CASZ1: variants seen among roughly 807,000 people sequenced by gnomAD.
CASZ1 encodes the protein zinc finger protein castor homolog 1.
A neutral mutation model predicts 135.2 loss-of-function variants in CASZ1; 28 were observed. That is an observed-to-expected ratio of 0.21 (90% CI 0.15 to 0.28). The LOEUF (loss-of-function observed/expected upper bound fraction) is 0.28, where lower values mean the gene tolerates loss of function less well. CASZ1 is among the 10% of genes least tolerant of loss of function. The pLI, the probability that CASZ1 is intolerant of heterozygous loss-of-function variation, is 1.00. For synonymous variants in CASZ1, 1,068 were observed against 1,073.4 expected, an observed-to-expected ratio of 0.99 and a Z score of 0.10; for missense variants, 2,161 against 2,453.3, an observed-to-expected ratio of 0.88 and a Z score of 2.52.
In CASZ1 at chr1:10,639,818, G is replaced by A. The variant is rs1463630744; in HGVS notation, c.4404C>T (p.Phe1468=). 3 of 1,610,300 alleles carry A rather than the reference G, an allele frequency of 1.9e-6. No individual in the cohort carries two copies. Among genetic ancestry groups the A allele is most frequent in the East Asian group, 2.2e-5 (1 of 44,758 alleles). The part of the protein sequence containing the change: ...HCTRENCGYK[F]CGRTHMYKHA... Reference sequence around the variant, plus strand: ...GCTTGTACATGTGCGTGCGCCCGCAGAACTTGTAGCCGCAGTTCTCGCGCG... The same window carrying A: ...GCTTGTACATGTGCGTGCGCCCGCAAAACTTGTAGCCGCAGTTCTCGCGCG... The change falls in exon 21 of 21, where the codon TTC becomes TTT. Residue 1468 remains phenylalanine (F), a synonymous_variant. Transcript: ENST00000377022. The surrounding 1 kb of genome is among the most constrained non-coding windows in gnomAD (Gnocchi z 4.0).
intron 20 of CASZ1, 23 bp from the exon 21 acceptor site, chr1:10,640,082 G>C (rs1473003646): frequency 2.5e-6 from 4 of 1,586,370 alleles, no homozygotes; most frequent in Non-Finnish European, 3.4e-6. Context: ...AGGGAGGTCA[G>C]TGCAGAAGAG....
Position 10,728,515 on chromosome 1 carries a change from T to G in CASZ1, c.-76-22971A>C, listed in dbSNP as rs116921277. 4.9e-4 allele frequency among the ~76,000 whole-genome samples: 75 copies of G among 152,272 alleles called. No homozygotes were observed. In the South Asian group the frequency reaches 8.3e-3, roughly 17 times the overall value. On this transcript the variant is annotated intron_variant, in intron 2 of 20. Coordinates refer to ENST00000377022, the MANE Select transcript of CASZ1 (RefSeq NM_001079843.3). ...ATCGAGGGCGCAAACCCCAGAAACT[T>G]TCTGAATTGTTTCTCTCCCCAGCTG... is the stretch of plus-strand genomic sequence containing the variant.
intron 2 of CASZ1, among the ~76,000 whole-genome samples, chr1:10,754,591 G>A (rs945376102): frequency 2.4e-4 from 37 of 152,210 alleles, no homozygotes; most frequent in African/African-American, 8.7e-4. Flanking sequence ...TCACACCCTC[G>A]TCCTAAGCAT....
chr1:10,769,762 C>T (rs1237250398), intron 1 of CASZ1, among the ~76,000 whole-genome samples: 1 of 152,166 alleles, frequency 6.6e-6, no homozygotes, highest in African/African-American at 2.4e-5. Context: ...AGTGATCTGC[C>T]CACCTTGGCC....
rs1363424514 is a variant in CASZ1, at chr1:10,645,022, T to C, written c.3763A>G (p.Ile1255Val). The stretch of plus-strand genomic sequence containing the variant: ...ATGTGCCAGGGGAGCTTGGTGGTGA[T>C]GTTGGTCACAAAATAGCAGCCGGTG... The part of the protein sequence containing the change: ...LRTGCYFVTN[I>V]TTKLPWHIKK... The change falls in exon 18 of 21, where the codon ATC becomes GTC. Residue 1255 changes from isoleucine (I) to valine (V), a missense_variant. By Grantham distance (29) the Ile-to-Val change is conservative. Transcript: ENST00000377022. 6 of 1,613,952 alleles carry C rather than the reference T, an allele frequency of 3.7e-6. No individual in the cohort carries two copies. In the African/African-American group the frequency reaches 5.3e-5, roughly 14 times the overall value.
Position 10,763,341 on chromosome 1 carries a change from C to T in CASZ1, c.-233-2484G>A, listed in dbSNP as rs559470661. 5.3e-5 allele frequency among the ~76,000 whole-genome samples: 8 copies of T among 152,282 alleles called. No individual in the cohort carries two copies. In the East Asian group the frequency reaches 5.8e-4, roughly 11 times the overall value. ...TGGGTCCGAGTCCCACTTCTGTCCC[C>T]GAAACCTCCATGGGCCCTTAGACAA... is the stretch of plus-strand genomic sequence containing the variant. On this transcript the variant is annotated intron_variant, in intron 1 of 20. Transcript: ENST00000377022.
chr1:10,720,763 C>G lies in CASZ1; in HGVS notation c.-76-15219G>C, dbSNP rs1355557532. Among the ~76,000 whole-genome samples the G allele has an allele frequency of 6.6e-6, 1 of 152,108 alleles. No homozygotes were observed. The highest frequency in any genetic ancestry group is 1.5e-5 in the Non-Finnish European group (1 of 68,024). On this transcript the variant is annotated intron_variant, in intron 2 of 20. Transcript: ENST00000377022. The surrounding 1 kb of genome is among the most constrained non-coding windows in gnomAD (Gnocchi z 5.7). Reference sequence around the variant, plus strand: ...AGAAGGGCGTAGGGAAGCCCAAGGTCAGAGAGTGGGGAGGAAGTGGACGCC... The same window carrying G: ...AGAAGGGCGTAGGGAAGCCCAAGGTGAGAGAGTGGGGAGGAAGTGGACGCC...
rs1468621103 is a variant in CASZ1, at chr1:10,709,220, C to T, written c.-76-3676G>A. 6.6e-6 allele frequency among the ~76,000 whole-genome samples: 1 copy of T among 152,146 alleles called. No individual in the cohort carries two copies. Among genetic ancestry groups the T allele is most frequent in the Non-Finnish European group, 1.5e-5 (1 of 68,016 alleles). ...TCGGCCAGCACTCCTACCTGCTCCCCAGGCCTCCCGGGGCCATGGGGGCTC... is the reference window on the plus strand; with the variant it reads ...TCGGCCAGCACTCCTACCTGCTCCCTAGGCCTCCCGGGGCCATGGGGGCTC... On this transcript the variant is annotated intron_variant, in intron 2 of 20. Coordinates refer to ENST00000377022, the MANE Select transcript of CASZ1 (RefSeq NM_001079843.3). This position sits in a 1 kb window ranked among gnomAD's most constrained non-coding sequence, Gnocchi z 5.1.
At chr1:10,671,565 G>C (rs1446827843) in intron 4 of CASZ1, among the ~76,000 whole-genome samples, 1 of 152,168 alleles carries the variant, frequency 6.6e-6, no homozygotes, top group African/African-American at 2.4e-5. Context: ...GGAGGGCAGT[G>C]GAAGGGGTCT....
intron 4 of CASZ1, among the ~76,000 whole-genome samples, chr1:10,668,074 A>C (rs989397546): frequency 6.6e-6 from 1 of 152,056 alleles, no homozygotes; most frequent in African/African-American, 2.4e-5. Context: ...CCAGGGGTGG[A>C]GGTGGGAGGC....
intron 2 of CASZ1, among the ~76,000 whole-genome samples, chr1:10,715,695 A>C (rs1310767202): frequency 7.2e-6 from 1 of 139,118 alleles, no homozygotes; most frequent in East Asian, 2.2e-4. Context: ...TGCAGCACCC[A>C]ATCCACACCC....
At chr1:10,672,543 T>C (rs1484250087) in intron 4 of CASZ1, among the ~76,000 whole-genome samples, 1 of 145,522 alleles carries the variant, frequency 6.9e-6, no homozygotes, top group African/African-American at 2.5e-5. Flanking sequence ...CTTTATTAAA[T>C]TGTTTTCTTT....
chr1:10,758,061 T>G (rs1162293023), intron 2 of CASZ1, among the ~76,000 whole-genome samples: 3 of 152,212 alleles, frequency 2.0e-5, no homozygotes, highest in Non-Finnish European at 4.4e-5. Flanking sequence ...TGCTCTTCAC[T>G]GATCTGTCCA....
At chr1:10,682,654 C>T (rs1557502413) in intron 4 of CASZ1, among the ~76,000 whole-genome samples, 1 of 152,228 alleles carries the variant, frequency 6.6e-6, no homozygotes, top group Non-Finnish European at 1.5e-5. Flanking sequence ...TTTGTTAACA[C>T]CTTCCCTGCA....
At chr1:10,691,531 C>T (rs760732042) in intron 4 of CASZ1, among the ~76,000 whole-genome samples, 15 of 152,236 alleles carry the variant, frequency 9.9e-5, no homozygotes, top group East Asian at 1.9e-4. Flanking sequence ...TCGAGGCCTG[C>T]GCCCCTGGCC....
chr1:10,656,560 C>CA (rs1642803206), intron 8 of CASZ1, 86 bp downstream of exon 8: 1 of 1,010,072 alleles, frequency 9.9e-7, no homozygotes, highest in Non-Finnish European at 1.5e-6. Flanking sequence ...TAACCCCCCC[C>CA]ACTGCCGTCC....
intron 15 of CASZ1, chr1:10,648,406 T>A (rs1642443759): frequency 2.5e-6 from 1 of 401,566 alleles, no homozygotes; most frequent in African/African-American, 2.1e-5. Context: ...CTCCTCCATA[T>A]GTGTGACAGC....
chr1:10,741,428 C>T lies in CASZ1; in HGVS notation c.-77+19273G>A, dbSNP rs1319019747. Among the ~76,000 whole-genome samples the T allele has an allele frequency of 6.6e-6, 1 of 152,144 alleles. No homozygotes were observed. Among genetic ancestry groups the T allele is most frequent in the African/African-American group, 2.4e-5 (1 of 41,426 alleles). ...AGCAGACACAGGTGCACACAAGCTCCAGCACTGGCCCAGGCTGAGGGTGCT... is the reference window on the plus strand; with the variant it reads ...AGCAGACACAGGTGCACACAAGCTCTAGCACTGGCCCAGGCTGAGGGTGCT... On this transcript the variant is annotated intron_variant, in intron 2 of 20. Coordinates refer to ENST00000377022, the MANE Select transcript of CASZ1 (RefSeq NM_001079843.3). This position sits in a 1 kb window ranked among gnomAD's most constrained non-coding sequence, Gnocchi z 5.0.
At chr1:10,704,593 C>T (rs2100441329) in intron 3 of CASZ1, 1 of 152,462 alleles carries the variant, frequency 6.6e-6, no homozygotes, top group East Asian at 1.9e-4. Context: ...AGGACAAAAC[C>T]CAGAGCCGGT....
Sources: allele counts gnomAD v4.1 joint callset (sites outside exome capture counted in the v4.1 genomes callset), GRCh38; gene constraint gnomAD v4.1.1; non-coding constraint Gnocchi (gnomAD v3.1); transcripts MANE v1.5; gene names NCBI Gene and HGNC (gene_info 2026-07-23, HGNC 2026-07-21).